The following ADGRB1 variants were observed in gnomAD, a reference collection of about 807,000 sequenced individuals.
ADGRB1 encodes brain-specific angiogenesis inhibitor 1.
Under a neutral mutation model 175.7 loss-of-function variants are expected in ADGRB1, and 36 were observed. The observed-to-expected ratio is 0.20, with a 90% CI of 0.16 to 0.27. ADGRB1 has a LOEUF of 0.27. ADGRB1 is among the 10% of genes least tolerant of loss of function. The pLI is 1.00. For synonymous variants in ADGRB1, 1,054 were observed against 979.4 expected, an observed-to-expected ratio of 1.08 and a Z score of -1.42; for missense variants, 1,731 against 2,255.3, an observed-to-expected ratio of 0.77 and a Z score of 4.71.
chr8:142,535,225 G>C (rs1243342256), intron 25 of ADGRB1, among the ~76,000 whole-genome samples: 1 of 152,186 alleles, frequency 6.6e-6, no homozygotes, highest in African/African-American at 2.4e-5. Flanking sequence ...AAAGGAGACA[G>C]CGGAGAGGAG....
rs75769785 is a variant in ADGRB1, at chr8:142,455,766, G to A, written c.-220+5662G>A. ...GCCAGGAGGCTGAGAAGATGGTGCT[G>A]GCTGGGCACTGGCCTGGGTGCAAGG... On this transcript the variant is annotated intron_variant, in intron 1 of 30. Coordinates refer to ENST00000517894, the MANE Select transcript of ADGRB1 (RefSeq NM_001702.3). This position sits in a 1 kb window ranked among gnomAD's most constrained non-coding sequence, Gnocchi z 4.9. Among the ~76,000 whole-genome samples, 18,132 of 152,230 alleles carry A rather than the reference G, an allele frequency of 0.12. 1,337 individuals are homozygous for A. The highest frequency in any genetic ancestry group is 0.18 in the Admixed American group (2,751 of 15,306).
intron 24 of ADGRB1, among the ~76,000 whole-genome samples, chr8:142,527,243 C>T (rs887747406): frequency 2.0e-5 from 3 of 152,242 alleles, no homozygotes; most frequent in African/African-American, 2.4e-5. Context: ...AGCTGCGGGG[C>T]GTGGGGAGCT....
chr8:142,497,917 C>T (rs1158051127), intron 17 of ADGRB1, among the ~76,000 whole-genome samples: 1 of 152,212 alleles, frequency 6.6e-6, no homozygotes, highest in African/African-American at 2.4e-5. Flanking sequence ...CCCCCATGGC[C>T]TGAACTTCGA....
intron 17 of ADGRB1, among the ~76,000 whole-genome samples, chr8:142,502,606 G>GAGGCAGAGGTGGTGGT (rs1842676297): frequency 6.7e-6 from 1 of 149,564 alleles, no homozygotes; most frequent in African/African-American, 2.5e-5. Context: ...TTTGATGATG[G>GAGGCAGAGGTGGTGGT]GGTGGTGGCT....
intron 19 of ADGRB1, among the ~76,000 whole-genome samples, chr8:142,518,558 G>C (rs1352119792): frequency 6.6e-6 from 1 of 152,174 alleles, no homozygotes. Context: ...ATGCAGGCCA[G>C]GCCACAGCCT....
chr8:142,477,322 G>A (rs1841035846), intron 5 of ADGRB1, 44 bp downstream of exon 5: 9 of 1,582,616 alleles, frequency 5.7e-6, no homozygotes, highest in South Asian at 2.2e-5. Flanking sequence ...CCAGGGCAGC[G>A]GGGGGCCAGG....
intron 1 of ADGRB1, among the ~76,000 whole-genome samples, chr8:142,461,028 G>A (rs2131655948): frequency 6.6e-6 from 1 of 152,344 alleles, no homozygotes; most frequent in East Asian, 1.9e-4. Context: ...GTGACAATGA[G>A]GGGCGACCGG....
rs775152758 is a variant in ADGRB1 at position 142,489,345 on chromosome 8, C to T, written c.2538C>T (p.Thr846=). ...CCTCTGGCTCTTGCAGGAACACGAC[C>T]GTCCTGAATTCTAAGGTGATCTCCG... ...GSFLALQRNT[T]VLNSKVISVT... Residue 846 remains threonine, a synonymous_variant, in exon 16 of 31, where the codon ACC becomes ACT. Coordinates refer to ENST00000517894, the MANE Select transcript of ADGRB1 (RefSeq NM_001702.3). 4.3e-6 allele frequency: 7 copies of T among 1,612,744 alleles called. No individual in the cohort carries two copies. The highest frequency in any genetic ancestry group is 4.5e-5 in the East Asian group (2 of 44,890).
intron 2 of ADGRB1, among the ~76,000 whole-genome samples, chr8:142,475,132 C>T (rs1840882255): frequency 6.6e-6 from 1 of 152,200 alleles, no homozygotes; most frequent in East Asian, 1.9e-4. Flanking sequence ...GCCTTGGAGG[C>T]CAGGCCCCTC....
At position 142,533,481 on chromosome 8, in the gene ADGRB1, C is replaced by G. The variant is rs764153719; in HGVS notation, c.3570+15C>G. 1 of 1,578,528 alleles carries G rather than the reference C, an allele frequency of 6.3e-7. No individual in the cohort carries two copies. Among genetic ancestry groups the G allele is most frequent in the Admixed American group, 1.7e-5 (1 of 58,468 alleles). On this transcript the variant is annotated intron_variant, in intron 25 of 30. Coordinates refer to ENST00000517894, the MANE Select transcript of ADGRB1 (RefSeq NM_001702.3). ...TCCGTAGAGAGGTGGGTGAGGCAGC[C>G]TCTGTCGGGCCGGGCTCCTGCGGGG...
chr8:142,522,096 C>A lies in ADGRB1; in HGVS notation c.3156C>A (p.Arg1052=). ...GHLRNRLIRK[R]FLCLGWGLPA... is the part of the protein sequence containing the mutation. ...TCCGGAACCGCCTCATCCGCAAGCG[C>A]TTCCTCTGCCTGGGCTGGGGTGAGC... The change falls in exon 21 of 31, where the codon CGC becomes CGA. Residue 1052 remains arginine (R), a synonymous_variant. Transcript: ENST00000517894. 1 of 1,610,854 alleles carries A rather than the reference C, an allele frequency of 6.2e-7. No individual in the cohort carries two copies. Among genetic ancestry groups the A allele is most frequent in the Non-Finnish European group, 8.5e-7 (1 of 1,179,706 alleles).
intron 1 of ADGRB1, among the ~76,000 whole-genome samples, chr8:142,454,830 C>G (rs1839565549): frequency 6.6e-6 from 1 of 152,040 alleles, no homozygotes; most frequent in South Asian, 2.1e-4. Flanking sequence ...GAGGAAGCAA[C>G]AAAAAATAGG....
In ADGRB1 at chr8:142,522,156, TC is replaced by T. The variant is rs761980969; in HGVS notation, c.3175+43del. 3 of 1,589,390 alleles carry T rather than the reference TC, an allele frequency of 1.9e-6. No individual in the cohort carries two copies. The East Asian group carries it at 6.7e-5, about 36-fold the overall frequency. ...CCCGACCCTCCTGGACAGATACCCT[TC>T]CTCCCCCACTGCTTGTTCTGTCCTG... is the stretch of plus-strand genomic sequence containing the variant. On this transcript the variant is annotated intron_variant, in intron 21 of 30. Coordinates refer to ENST00000517894, the MANE Select transcript of ADGRB1 (RefSeq NM_001702.3).
intron 2 of ADGRB1, among the ~76,000 whole-genome samples, chr8:142,471,879 C>G (rs965193652): frequency 2.0e-4 from 31 of 152,232 alleles, no homozygotes; most frequent in Non-Finnish European, 1.5e-4. Context: ...CTCCCTTCCA[C>G]GTCCGTGCAG....
At chr8:142,536,453 C>T (rs1336636883) in intron 25 of ADGRB1, among the ~76,000 whole-genome samples, 5 of 152,186 alleles carry the variant, frequency 3.3e-5, no homozygotes, top group African/African-American at 4.8e-5. Context: ...CACCACTGTC[C>T]CCCCTGAAGA....
At chr8:142,544,138 G>A in intron 30 of ADGRB1, 82 bp from the exon 31 acceptor site, 1 of 1,436,208 alleles carries the variant, frequency 7.0e-7, no homozygotes, top group Non-Finnish European at 9.4e-7. Context: ...ACTGATTCGT[G>A]TCTGCCTCCT....
chr8:142,530,730 G>A (rs1251435344), intron 24 of ADGRB1, among the ~76,000 whole-genome samples: 1 of 152,148 alleles, frequency 6.6e-6, no homozygotes, highest in Admixed American at 6.5e-5. Context: ...GGGGCTGTGG[G>A]ATCCACCCCA....
At chr8:142,483,405 A>G (rs1286909646) in intron 11 of ADGRB1, among the ~76,000 whole-genome samples, 2 of 109,314 alleles carry the variant, frequency 1.8e-5, no homozygotes, top group Non-Finnish European at 3.8e-5. Flanking sequence ...GAGCCCTGAC[A>G]CTGGTCACAT....
At position 142,498,209 on chromosome 8, in the gene ADGRB1, T is replaced by C. The variant is rs190868990; in HGVS notation, c.2675+7394T>C. Among the ~76,000 whole-genome samples the C allele has an allele frequency of 4.2e-3, 635 of 152,308 alleles. 5 individuals carry two copies. Among genetic ancestry groups the C allele is most frequent in the African/African-American group, 0.014 (593 of 41,564 alleles). ...AGCGGCTCCGATCTGCAGTGAATCC[T>C]TGGATCCGTGTGTGTTCGATCCACC... is the stretch of plus-strand genomic sequence containing the variant. On this transcript the variant is annotated intron_variant, in intron 17 of 30. Coordinates refer to ENST00000517894, the MANE Select transcript of ADGRB1 (RefSeq NM_001702.3).
Sources: gnomAD v4.1 joint callset for allele counts (sites outside exome capture counted in the v4.1 genomes callset) on GRCh38, gnomAD v4.1.1 for gene constraint, Gnocchi (gnomAD v3.1) non-coding constraint, MANE v1.5 for transcripts, NCBI Gene and HGNC (gene_info 2026-07-23, HGNC 2026-07-21) for gene names.